Variants in UCHL5 observed in about 807,000 individuals in gnomAD.
UCHL5 encodes ubiquitin carboxyl-terminal hydrolase isozyme L5.
A neutral mutation model predicts 53.8 loss-of-function variants in UCHL5; 34 were observed. The observed-to-expected ratio is 0.63, with a 90% CI of 0.48 to 0.84. The LOEUF (loss-of-function observed/expected upper bound fraction) is 0.84, where lower values mean the gene tolerates loss of function less well. Ranked by LOEUF, UCHL5 falls within the 40% of genes least tolerant of loss-of-function variation. UCHL5 has a pLI of 0.00. For synonymous variants in UCHL5, 111 were observed against 126.3 expected (o/e 0.88, Z 0.81); for missense variants, 290 against 385.6 (o/e 0.75, Z 2.08).
chr1:193,026,738 C>T (rs1156273309), intron 7 of UCHL5, among the ~76,000 whole-genome samples: 4 of 150,992 alleles, frequency 2.6e-5, no homozygotes, highest in South Asian at 2.1e-4. Flanking sequence ...CCCAGCAATG[C>T]AACACATAGG....
At chr1:193,059,731 TCTC>T (rs3834070), upstream of UCHL5, 787 of 1,354,052 alleles carry the variant, frequency 5.8e-4, 19 homozygotes, top group East Asian at 0.032. The surrounding 1 kb of genome is among the most constrained non-coding windows in gnomAD (Gnocchi z 4.9). Flanking sequence ...GCGCAGGACT[TCTC>T]CTGGCGGCGC....
intron 3 of UCHL5, among the ~76,000 whole-genome samples, chr1:193,037,822 G>A (rs899999087): frequency 4.0e-5 from 6 of 149,136 alleles, no homozygotes; most frequent in African/African-American, 1.5e-4. Context: ...CACCAACATG[G>A]CACATGTATA....
At chr1:193,040,752 T>C (rs1197085317) in intron 3 of UCHL5, among the ~76,000 whole-genome samples, 1 of 152,174 alleles carries the variant, frequency 6.6e-6, no homozygotes, top group African/African-American at 2.4e-5. Context: ...TAAGTGTCCA[T>C]CAATGGATGA....
chr1:193,035,730 T>C (rs765153592), intron 3 of UCHL5, among the ~76,000 whole-genome samples: 1 of 152,108 alleles, frequency 6.6e-6, no homozygotes, highest in Non-Finnish European at 1.5e-5. Context: ...AGTCTGCTCA[T>C]AACTCTGATA....
chr1:193,018,210 T>A (rs1035244991), intron 10 of UCHL5, among the ~76,000 whole-genome samples: 1 of 151,528 alleles, frequency 6.6e-6, no homozygotes, highest in South Asian at 2.1e-4. Context: ...AAAGTCATAG[T>A]AAAATGTGGA....
In UCHL5 at chr1:193,021,111, G is replaced by T. The variant is rs371022300; in HGVS notation, c.928C>A (p.Pro310Thr). ...AAAATACTTACCTTTTCTACTAGTG[G>T]TATTAACTGCTGGTGTTCTGCTAAA... ...KTLAEHQQLI[P>T]LVEKAKEKQN... Residue 310 changes from proline to threonine, a missense_variant, in exon 10 of 11, where the codon CCA (proline) becomes ACA (threonine). Transcript: ENST00000367454. 8 of 1,602,124 alleles carry T rather than the reference G, an allele frequency of 5.0e-6. No homozygotes were observed. Among genetic ancestry groups the T allele is most frequent in the Non-Finnish European group, 6.8e-6 (8 of 1,170,672 alleles).
At chr1:193,047,422 A>G (rs1667694322) in intron 3 of UCHL5, among the ~76,000 whole-genome samples, 1 of 152,154 alleles carries the variant, frequency 6.6e-6, no homozygotes, top group Non-Finnish European at 1.5e-5. Flanking sequence ...ACTATAAAAA[A>G]CCCTATTTTC....
intron 3 of UCHL5, among the ~76,000 whole-genome samples, chr1:193,038,300 C>T (rs1170982599): frequency 2.0e-5 from 3 of 151,870 alleles, no homozygotes; most frequent in African/African-American, 7.3e-5. Context: ...ACTAAAAATA[C>T]AAAAAATTAG....
chr1:193,041,345 G>C (rs1425978751), intron 3 of UCHL5, among the ~76,000 whole-genome samples: 1 of 151,964 alleles, frequency 6.6e-6, no homozygotes, highest in Admixed American at 6.6e-5. Flanking sequence ...TTTCACAGAG[G>C]AAATACATAT....
chr1:193,038,278 A>C (rs1664292481), intron 3 of UCHL5, among the ~76,000 whole-genome samples: 1 of 152,052 alleles, frequency 6.6e-6, no homozygotes, highest in Non-Finnish European at 1.5e-5. Context: ...AACACGGTGA[A>C]ACCCTGTCTC....
Position 193,021,111 on chromosome 1 carries a change from G to A in UCHL5, c.928C>T (p.Pro310Ser). The part of the protein sequence containing the change: ...KTLAEHQQLI[P>S]LVEKAKEKQN... ...AAAATACTTACCTTTTCTACTAGTG[G>A]TATTAACTGCTGGTGTTCTGCTAAA... Residue 310 changes from proline (P) to serine (S), a missense_variant, in exon 10 of 11, where the codon CCA becomes TCA. Physicochemically the swap from Pro to Ser is moderately conservative, Grantham distance 74 (BLOSUM62 -1). Coordinates refer to ENST00000367454, the MANE Select transcript of UCHL5 (RefSeq NM_001199261.3). The A allele has an allele frequency of 6.2e-7, 1 of 1,602,242 alleles. No individual in the cohort carries two copies. Among genetic ancestry groups the A allele is most frequent in the Non-Finnish European group, 8.5e-7 (1 of 1,170,664 alleles).
chr1:193,026,625 A>C (rs1659343257), intron 7 of UCHL5, among the ~76,000 whole-genome samples: 1 of 152,084 alleles, frequency 6.6e-6, no homozygotes, highest in Non-Finnish European at 1.5e-5. Flanking sequence ...GAGGAACTAG[A>C]CCGTTCATAT....
intron 3 of UCHL5, among the ~76,000 whole-genome samples, chr1:193,037,741 C>A (rs1664033558): frequency 6.6e-6 from 1 of 151,792 alleles, no homozygotes; most frequent in Admixed American, 6.6e-5. Flanking sequence ...AGTAACAAAC[C>A]AAATTCAAAA....
chr1:193,029,419 C>A lies in UCHL5; in HGVS notation c.403G>T (p.Val135Leu). ...AAACTGTTGTGTACTTGTCGAATCA[C>A]ATCTGAATTGCTCAGTGCCAAGCCT... is the stretch of plus-strand genomic sequence containing the variant. ...MKGLALSNSD[V>L]IRQVHNSFAR... The change falls in exon 5 of 11, where the codon GTG becomes TTG. Residue 135 changes from valine (V) to leucine (L), a missense_variant. Transcript: ENST00000367454. 6.2e-7 allele frequency: 1 copy of A among 1,613,748 alleles called. No homozygotes were observed. Among genetic ancestry groups the A allele is most frequent in the Non-Finnish European group, 8.5e-7 (1 of 1,179,860 alleles).
chr1:193,020,414 C>T, intron 10 of UCHL5: 1 of 1,545,982 alleles, frequency 6.5e-7, no homozygotes, highest in Non-Finnish European at 8.7e-7. Context: ...ATTAGAATCA[C>T]TTGGGGAACT....
intron 2 of UCHL5, 45 bp from the exon 3 acceptor site, chr1:193,049,896 T>C (rs1304884858): frequency 2.7e-6 from 4 of 1,481,790 alleles, no homozygotes; most frequent in Admixed American, 2.1e-5. Flanking sequence ...CCTGCTTCTT[T>C]CATAATACAT....
chr1:193,059,306 C>G lies in UCHL5; in HGVS notation c.-46G>C. 6.2e-7 allele frequency: 1 copy of G among 1,609,728 alleles called. No individual in the cohort carries two copies. The highest frequency in any genetic ancestry group is 8.5e-7 in the Non-Finnish European group (1 of 1,178,094). ...CCGATCCACCTCTCGCTCTCAGCTG[C>G]CCCCCGCACCAGCTGCCGCCGGCCA... On this transcript the variant is annotated 5_prime_UTR_variant, in exon 1 of 11. Transcript: ENST00000367454. The surrounding 1 kb of genome is among the most constrained non-coding windows in gnomAD (Gnocchi z 4.9).
chr1:193,016,531 G>T, intron 10 of UCHL5, 136 bp from the exon 11 acceptor site: 1 of 727,192 alleles, frequency 1.4e-6, no homozygotes, highest in Non-Finnish European at 2.1e-6. Flanking sequence ...AAAGCATTAT[G>T]TTTTATAACT....
Position 193,057,498 on chromosome 1 carries a change from A to G in UCHL5, c.76+1687T>C, listed in dbSNP as rs376788742. The G allele has an allele frequency of 7.2e-5, 11 of 152,446 alleles. No individual in the cohort carries two copies. The East Asian group carries it at 9.6e-4, about 13-fold the overall frequency. 9.4% of individuals were successfully genotyped at this position (152,446 alleles called of 1,614,324 possible). On this transcript the variant is annotated intron_variant, in intron 1 of 10. Coordinates refer to ENST00000367454, the MANE Select transcript of UCHL5 (RefSeq NM_001199261.3). Reference sequence around the variant, plus strand: ...GTTTAGCCAATCATCTCGGACTCCAACCATTTTAAGAGATGTCTAGCTTCT... The same window carrying G: ...GTTTAGCCAATCATCTCGGACTCCAGCCATTTTAAGAGATGTCTAGCTTCT...
Sources: gnomAD v4.1 joint callset for allele counts (sites outside exome capture counted in the v4.1 genomes callset) on GRCh38, gnomAD v4.1.1 for gene constraint, Gnocchi (gnomAD v3.1) non-coding constraint, MANE v1.5 for transcripts, NCBI Gene and HGNC (gene_info 2026-07-23, HGNC 2026-07-21) for gene names.